Variants in TEX14 observed in about 807,000 individuals in gnomAD.
TEX14 encodes the protein inactive serine/threonine-protein kinase TEX14.
A neutral mutation model predicts 178.6 loss-of-function variants in TEX14; 168 were observed. The ratio of observed to expected loss-of-function variants is 0.94; its 90% CI spans 0.83 to 1.07. The LOEUF (loss-of-function observed/expected upper bound fraction) is 1.07. Among genes scored for constraint, TEX14 ranks in the 50% least tolerant of loss-of-function variants. The pLI, the probability that TEX14 is intolerant of heterozygous loss-of-function variation, is 0.00. For synonymous variants in TEX14, 626 were observed against 634.1 expected, an observed-to-expected ratio of 0.99 and a Z score of 0.19; for missense variants, 1,730 against 1,753.6, an observed-to-expected ratio of 0.99 and a Z score of 0.24.
chr17:58,680,729 C>G (rs1598437854), intron 1 of TEX14, among the ~76,000 whole-genome samples: 1 of 152,174 alleles, frequency 6.6e-6, no homozygotes, highest in Non-Finnish European at 1.5e-5. Flanking sequence ...GAGCAAGACT[C>G]TGTCTCAAAA....
At chr17:58,623,211 C>CAA (rs1491090968) in intron 3 of TEX14, among the ~76,000 whole-genome samples, 199 bp from the exon 4 acceptor site, 5 of 150,794 alleles carry the variant, frequency 3.3e-5, no homozygotes, top group South Asian at 2.1e-4. Flanking sequence ...CACACACACA[C>CAA]AATCCCTTTT....
At chr17:58,568,800 T>A (rs1184010120) in intron 26 of TEX14, among the ~76,000 whole-genome samples, 1 of 152,180 alleles carries the variant, frequency 6.6e-6, no homozygotes, top group Admixed American at 6.5e-5. Flanking sequence ...ATGGCAAAAC[T>A]GAAAGCACAG....
chr17:58,571,837 A>T (rs1390240360), intron 24 of TEX14, 84 bp downstream of exon 24: 3 of 1,212,082 alleles, frequency 2.5e-6, no homozygotes, highest in East Asian at 2.3e-5. Flanking sequence ...TTTCTTAATG[A>T]ATTTGGAGAA....
chr17:58,560,011 C>G (rs2044241376), intron 29 of TEX14, among the ~76,000 whole-genome samples: 1 of 152,172 alleles, frequency 6.6e-6, no homozygotes, highest in East Asian at 1.9e-4. Flanking sequence ...AAACTCTCTC[C>G]TAAGTGAAAT....
chr17:58,594,227 A>C (rs2045225824), intron 14 of TEX14, among the ~76,000 whole-genome samples: 1 of 152,202 alleles, frequency 6.6e-6, no homozygotes, highest in Non-Finnish European at 1.5e-5. Flanking sequence ...GAAATAAAAA[A>C]AAAATCCACT....
At chr17:58,626,060 T>C (rs900173534) in intron 3 of TEX14, among the ~76,000 whole-genome samples, 2 of 151,960 alleles carry the variant, frequency 1.3e-5, no homozygotes, top group African/African-American at 4.8e-5. Context: ...ATTTGGGAGA[T>C]TTCAAATTAA....
chr17:58,593,836 T>C (rs371390688), intron 14 of TEX14, among the ~76,000 whole-genome samples, 175 bp from the exon 15 acceptor site: 3 of 152,250 alleles, frequency 2.0e-5, no homozygotes, highest in East Asian at 1.9e-4. Flanking sequence ...AGGTCTTTTT[T>C]TGTTTTGCTT....
In TEX14 at chr17:58,599,317, A is replaced by C. The variant is rs770920997; in HGVS notation, c.2028T>G (p.Ser676Arg). 20 of 1,613,530 alleles carry C rather than the reference A, an allele frequency of 1.2e-5. No homozygotes were observed. The Admixed American group carries it at 3.0e-4, about 24-fold the overall frequency. The change falls in exon 14 of 32, where the codon AGT (serine) becomes AGG (arginine). Residue 676 changes from serine (S) to arginine (R), a missense_variant. Transcript: ENST00000349033. The stretch of plus-strand genomic sequence containing the variant: ...CAGCTTTTGAAGAGCTCTCATCCTC[A>C]CTGCCAAAACAACACGCCTCTCTCT... ...KMEREACCFGSEDESSSKAET... is the reference protein window; with the variant it reads ...KMEREACCFGREDESSSKAET...
At chr17:58,612,301 G>A (rs1001481058) in intron 9 of TEX14, among the ~76,000 whole-genome samples, 1 of 152,190 alleles carries the variant, frequency 6.6e-6, no homozygotes, top group Non-Finnish European at 1.5e-5. Flanking sequence ...TCAAGAAGCA[G>A]GACTAGGCTG....
At chr17:58,584,374 G>A in intron 19 of TEX14, 126 bp downstream of exon 19, 1 of 652,796 alleles carries the variant, frequency 1.5e-6, no homozygotes, top group South Asian at 1.8e-5. Context: ...GTGACATGAA[G>A]GCACATGCTC....
intron 1 of TEX14, among the ~76,000 whole-genome samples, chr17:58,667,324 C>T (rs945616383): frequency 2.0e-5 from 3 of 152,192 alleles, no homozygotes; most frequent in African/African-American, 7.2e-5. Context: ...CAACTTGTTC[C>T]TCAGTTTGTA....
intron 24 of TEX14, among the ~76,000 whole-genome samples, chr17:58,571,675 C>T (rs2044533477): frequency 6.6e-6 from 1 of 152,110 alleles, no homozygotes; most frequent in African/African-American, 2.4e-5. Context: ...GTTATTAGTT[C>T]AGGAGTTCAG....
intron 17 of TEX14, among the ~76,000 whole-genome samples, chr17:58,587,310 G>A (rs928500549): frequency 1.2e-4 from 18 of 151,852 alleles, no homozygotes; most frequent in African/African-American, 4.4e-4. Context: ...ATTGTGCACT[G>A]TTTTGTTACA....
At chr17:58,623,091 A>G in intron 3 of TEX14, 79 bp from the exon 4 acceptor site, 1 of 1,353,396 alleles carries the variant, frequency 7.4e-7, no homozygotes, top group Non-Finnish European at 1.0e-6. Flanking sequence ...CGTGCAACAC[A>G]GGGCTCCCAT....
chr17:58,585,684 G>A, intron 18 of TEX14, 117 bp downstream of exon 18: 1 of 771,048 alleles, frequency 1.3e-6, no homozygotes, highest in South Asian at 1.7e-5. Context: ...CCAAATTCCT[G>A]GGCTCAGGTG....
chr17:58,672,020 G>C (rs1875792380), intron 1 of TEX14, among the ~76,000 whole-genome samples: 1 of 152,054 alleles, frequency 6.6e-6, no homozygotes, highest in African/African-American at 2.4e-5. Flanking sequence ...CGGATAACAG[G>C]GGGTGGGTGG....
chr17:58,596,996 AC>A (rs2045301768), intron 14 of TEX14, among the ~76,000 whole-genome samples: 1 of 152,244 alleles, frequency 6.6e-6, no homozygotes, highest in Non-Finnish European at 1.5e-5. Flanking sequence ...CAATGAAAGA[AC>A]AACAGACCAG....
At chr17:58,639,378 C>T (rs988088294) in intron 2 of TEX14, among the ~76,000 whole-genome samples, 1 of 151,526 alleles carries the variant, frequency 6.6e-6, no homozygotes, top group African/African-American at 2.4e-5. Context: ...GATGGGTGTA[C>T]CAAAATCTCA....
intron 30 of TEX14, 111 bp downstream of exon 30, chr17:58,559,342 T>A: frequency 1.7e-6 from 1 of 591,408 alleles, no homozygotes; most frequent in African/African-American, 1.9e-5. Context: ...AAATAAATTA[T>A]CAAAGGTAGG....
Sources: allele counts gnomAD v4.1 joint callset (sites outside exome capture counted in the v4.1 genomes callset), GRCh38; gene constraint gnomAD v4.1.1; transcripts MANE v1.5; gene names NCBI Gene and HGNC (gene_info 2026-07-23, HGNC 2026-07-21).